TMEM135: variants seen among roughly 807,000 people sequenced by gnomAD.
TMEM135 encodes the protein transmembrane protein 135.
A neutral mutation model predicts 60.3 loss-of-function variants in TMEM135; 30 were observed. That is an observed-to-expected ratio of 0.50 (90% CI 0.37 to 0.68). The LOEUF is 0.68. Ranked by LOEUF, TMEM135 falls within the 30% of genes least tolerant of loss-of-function variation. The probability of loss-of-function intolerance (pLI) is 0.00; values close to 1 mark genes in which losing one functional copy is unlikely to be tolerated. For missense variants in TMEM135, 468 were observed against 548.8 expected (o/e 0.85, Z 1.47); for synonymous variants, 190 against 186.7 (o/e 1.02, Z -0.14).
intron 6 of TMEM135, among the ~76,000 whole-genome samples, chr11:87,251,526 T>G (rs1941415645): frequency 6.6e-6 from 1 of 152,182 alleles, no homozygotes; most frequent in Admixed American, 6.5e-5. Context: ...CTTTGAGGAT[T>G]GAATACGACA....
chr11:87,097,609 T>G (rs554168863), intron 4 of TMEM135, among the ~76,000 whole-genome samples: 5 of 152,108 alleles, frequency 3.3e-5, no homozygotes, highest in Non-Finnish European at 7.4e-5. Context: ...CCTGTGGTTA[T>G]GGGGGGGTCT....
At chr11:87,316,923 A>G (rs1056427238) in intron 12 of TMEM135, among the ~76,000 whole-genome samples, 1 of 150,742 alleles carries the variant, frequency 6.6e-6, no homozygotes, top group Non-Finnish European at 1.5e-5. Context: ...TAAGCTTGCT[A>G]TGTCCTTTTG....
chr11:87,062,769 T>A (rs1433882492), intron 1 of TMEM135, among the ~76,000 whole-genome samples: 6 of 152,114 alleles, frequency 3.9e-5, no homozygotes, highest in African/African-American at 1.4e-4. Flanking sequence ...GCCCATTTAT[T>A]TTTAAAAAAA....
intron 1 of TMEM135, among the ~76,000 whole-genome samples, chr11:87,058,701 G>C (rs1327578429): frequency 6.6e-6 from 1 of 151,944 alleles, no homozygotes; most frequent in African/African-American, 2.4e-5. Flanking sequence ...CTCACTGCAA[G>C]CCCCACCTCC....
chr11:87,316,942 A>C (rs1232658435), intron 12 of TMEM135, among the ~76,000 whole-genome samples: 1 of 151,252 alleles, frequency 6.6e-6, no homozygotes, highest in East Asian at 1.9e-4. Flanking sequence ...TGTGGAATTC[A>C]TTGCTCTGGT....
chr11:87,089,926 T>A (rs999779893), intron 3 of TMEM135, among the ~76,000 whole-genome samples: 1 of 152,222 alleles, frequency 6.6e-6, no homozygotes, highest in Non-Finnish European at 1.5e-5. Context: ...TATTTTCTTT[T>A]CCTAACTTTT....
chr11:87,059,681 C>G (rs529429580), intron 1 of TMEM135, among the ~76,000 whole-genome samples: 21 of 152,270 alleles, frequency 1.4e-4, no homozygotes, highest in Admixed American at 6.5e-4. Context: ...CAAAACTGCA[C>G]AACACAAGAA....
intron 6 of TMEM135, among the ~76,000 whole-genome samples, chr11:87,281,538 G>A (rs1312669698): frequency 1.3e-5 from 2 of 152,146 alleles, no homozygotes; most frequent in Non-Finnish European, 2.9e-5. Context: ...AGTATTTTAT[G>A]AAGAAAAAGA....
chr11:87,250,123 C>T (rs1343764245), intron 6 of TMEM135, among the ~76,000 whole-genome samples: 2 of 152,036 alleles, frequency 1.3e-5, no homozygotes, highest in South Asian at 4.1e-4. Flanking sequence ...GGAGCATTTG[C>T]ATTTCTGCTG....
intron 1 of TMEM135, among the ~76,000 whole-genome samples, chr11:87,043,453 C>T (rs1200817807): frequency 2.0e-5 from 3 of 151,776 alleles, no homozygotes; most frequent in Non-Finnish European, 2.9e-5. Flanking sequence ...TGGCTGGGTG[C>T]GGTGTCTGAC....
chr11:87,284,617 G>C (rs1369099837), intron 6 of TMEM135, among the ~76,000 whole-genome samples: 1 of 152,158 alleles, frequency 6.6e-6, no homozygotes, highest in Non-Finnish European at 1.5e-5. Context: ...CCAAGTATCA[G>C]TGTTCCATTC....
chr11:87,155,213 G>A (rs982923748), intron 4 of TMEM135, among the ~76,000 whole-genome samples: 1 of 152,126 alleles, frequency 6.6e-6, no homozygotes, highest in Non-Finnish European at 1.5e-5. Flanking sequence ...TGGCCAGGCT[G>A]GTCTCGAACT....
At chr11:87,309,375 AT>A (rs546315716) in intron 9 of TMEM135, 129 bp from the exon 10 acceptor site, 1 of 870,026 alleles carries the variant, frequency 1.1e-6, no homozygotes, top group Non-Finnish European at 1.8e-6. Context: ...TTAAGGCTTT[AT>A]TTTGCTGTGC....
At chr11:87,228,736 G>A (rs2135364886) in intron 5 of TMEM135, among the ~76,000 whole-genome samples, 1 of 152,298 alleles carries the variant, frequency 6.6e-6, no homozygotes, top group South Asian at 2.1e-4. Context: ...ATAGTTAAAT[G>A]TACCATGTGT....
intron 4 of TMEM135, among the ~76,000 whole-genome samples, chr11:87,099,875 G>T (rs1159187994): frequency 6.6e-6 from 1 of 151,842 alleles, no homozygotes; most frequent in Non-Finnish European, 1.5e-5. Context: ...TAGAGACGGG[G>T]TTTCACCTTG....
intron 6 of TMEM135, among the ~76,000 whole-genome samples, chr11:87,279,166 A>T (rs995489416): frequency 6.6e-6 from 1 of 152,098 alleles, no homozygotes; most frequent in African/African-American, 2.4e-5. Flanking sequence ...CACATGTACC[A>T]TTATCCTCAA....
At chr11:87,258,738 T>C (rs903244943) in intron 6 of TMEM135, 16 of 423,312 alleles carry the variant, frequency 3.8e-5, no homozygotes, top group African/African-American at 2.9e-4. Flanking sequence ...CCACCAGGTT[T>C]AGATGGATCA....
At chr11:87,263,064 A>G (rs1941683005) in intron 6 of TMEM135, among the ~76,000 whole-genome samples, 2 of 152,146 alleles carry the variant, frequency 1.3e-5, no homozygotes, top group Admixed American at 1.3e-4. Context: ...ACGTAATTAC[A>G]TTAAGAAGTA....
intron 4 of TMEM135, among the ~76,000 whole-genome samples, chr11:87,145,624 A>G (rs1165035882): frequency 6.6e-6 from 1 of 151,676 alleles, no homozygotes; most frequent in Admixed American, 6.6e-5. Context: ...AGCCATTCTG[A>G]CAGGTGTGAG....
Sources: allele counts gnomAD v4.1 joint callset (sites outside exome capture counted in the v4.1 genomes callset), GRCh38; gene constraint gnomAD v4.1.1; transcripts MANE v1.5; gene names NCBI Gene and HGNC (gene_info 2026-07-23, HGNC 2026-07-21).